Variants in SLCO1B1 observed in about 807,000 individuals in gnomAD.
The protein encoded by SLCO1B1 is OATP-2.
SLCO1B1 carries 81 observed loss-of-function variants against 70.1 expected under a neutral mutation model. That is an observed-to-expected ratio of 1.16 (90% CI 0.97 to 1.39). The LOEUF (loss-of-function observed/expected upper bound fraction) is 1.39, where lower values mean the gene tolerates loss of function less well. Among genes scored for constraint, SLCO1B1 ranks in the 40% most tolerant of loss-of-function variants. SLCO1B1 has a pLI of 0.00. For missense variants in SLCO1B1, 895 were observed against 799.6 expected (o/e 1.12, Z -1.44); for synonymous variants, 283 against 271.5 (o/e 1.04, Z -0.42).
chr12:21,199,855 G>A (rs943970090), intron 8 of SLCO1B1, among the ~76,000 whole-genome samples: 3 of 151,950 alleles, frequency 2.0e-5, no homozygotes, highest in Non-Finnish European at 2.9e-5. Context: ...AGGCTGGAGT[G>A]CAGTGTCACC....
At chr12:21,236,148 A>T (rs769922723) in intron 14 of SLCO1B1, among the ~76,000 whole-genome samples, 1 of 152,138 alleles carries the variant, frequency 6.6e-6, no homozygotes, top group Non-Finnish European at 1.5e-5. Flanking sequence ...CTCTATCCAG[A>T]TTCATTCCTG....
chr12:21,180,592 G>C (rs1940883400), intron 7 of SLCO1B1, among the ~76,000 whole-genome samples: 1 of 152,102 alleles, frequency 6.6e-6, no homozygotes, highest in South Asian at 2.1e-4. Context: ...GAGATCAAAG[G>C]ATTCATTTCC....
In SLCO1B1 at chr12:21,205,849, G is replaced by T. The variant is rs75563002; in HGVS notation, c.1332-19G>T. 5 of 1,561,212 alleles carry T rather than the reference G, an allele frequency of 3.2e-6. No homozygotes were observed. The highest frequency in any genetic ancestry group is 1.4e-5 in the African/African-American group (1 of 73,042). Reference sequence around the variant, plus strand: ...TTCTCTCTCTCTCTTTTTGATATATGTCTATCATATATTTCCAGAAATAAT... The same window carrying T: ...TTCTCTCTCTCTCTTTTTGATATATTTCTATCATATATTTCCAGAAATAAT... On this transcript the variant is annotated intron_variant, in intron 10 of 14. Coordinates refer to ENST00000256958, the MANE Select transcript of SLCO1B1 (RefSeq NM_006446.5).
At chr12:21,159,475 GA>G (rs1180726728) in intron 2 of SLCO1B1, among the ~76,000 whole-genome samples, 1 of 151,958 alleles carries the variant, frequency 6.6e-6, no homozygotes, top group Non-Finnish European at 1.5e-5. Flanking sequence ...AATGGCAAAT[GA>G]TAAAAAATTC....
chr12:21,151,585 C>G (rs928708031), intron 2 of SLCO1B1, among the ~76,000 whole-genome samples: 1 of 152,038 alleles, frequency 6.6e-6, no homozygotes, highest in Non-Finnish European at 1.5e-5. Context: ...TTTATGCTCA[C>G]TTATTTCTCC....
At chr12:21,200,943 A>T (rs985486550) in intron 9 of SLCO1B1, among the ~76,000 whole-genome samples, 3 of 152,094 alleles carry the variant, frequency 2.0e-5, no homozygotes, top group African/African-American at 7.2e-5. Context: ...GTATAATTGG[A>T]TCTTATAATT....
chr12:21,142,577 G>A (rs925043770), intron 2 of SLCO1B1, among the ~76,000 whole-genome samples: 1 of 151,792 alleles, frequency 6.6e-6, no homozygotes, highest in African/African-American at 2.4e-5. Flanking sequence ...TGTTATAAAA[G>A]GTTCCTTTTA....
At chr12:21,140,569 C>T (rs1345551725) in intron 1 of SLCO1B1, among the ~76,000 whole-genome samples, 2 of 151,864 alleles carry the variant, frequency 1.3e-5, no homozygotes, top group Non-Finnish European at 2.9e-5. Context: ...ATATTAAGAA[C>T]ATCTTTAATA....
intron 1 of SLCO1B1, among the ~76,000 whole-genome samples, chr12:21,135,815 C>A (rs1477024057): frequency 6.6e-6 from 1 of 152,116 alleles, no homozygotes; most frequent in Non-Finnish European, 1.5e-5. Flanking sequence ...CTTTTAATTG[C>A]AGCATTTAGC....
At chr12:21,205,785 C>T in intron 10 of SLCO1B1, 83 bp from the exon 11 acceptor site, 1 of 1,037,374 alleles carries the variant, frequency 9.6e-7, no homozygotes, top group Non-Finnish European at 1.4e-6. Context: ...TCTGCTTTCA[C>T]TTTACTTCTT....
intron 10 of SLCO1B1, among the ~76,000 whole-genome samples, chr12:21,205,238 T>C (rs1219744530): frequency 1.3e-5 from 2 of 151,976 alleles, no homozygotes; most frequent in African/African-American, 4.8e-5. Flanking sequence ...GTTATAATCA[T>C]ATTTTATAAT....
intron 7 of SLCO1B1, among the ~76,000 whole-genome samples, chr12:21,192,171 G>T (rs1019351732): frequency 6.6e-6 from 1 of 151,936 alleles, no homozygotes; most frequent in Non-Finnish European, 1.5e-5. Context: ...TTTGGCAAGA[G>T]ATTGGAATGG....
At chr12:21,131,268 A>C (rs973971183) in intron 1 of SLCO1B1, 32 bp downstream of exon 1, 1 of 152,096 alleles carries the variant, frequency 6.6e-6, no homozygotes, top group Non-Finnish European at 1.5e-5. Context: ...TAATTTTTAC[A>C]TATATTTTAT....
At chr12:21,159,793 A>G (rs778904322) in intron 2 of SLCO1B1, among the ~76,000 whole-genome samples, 1 of 152,154 alleles carries the variant, frequency 6.6e-6, no homozygotes, top group African/African-American at 2.4e-5. Context: ...CACAAAATCA[A>G]TGTACAAAAA....
At chr12:21,181,755 G>A (rs1026800921) in intron 7 of SLCO1B1, among the ~76,000 whole-genome samples, 11 of 151,888 alleles carry the variant, frequency 7.2e-5, no homozygotes, top group Non-Finnish European at 1.3e-4. Context: ...AATTATGCTC[G>A]TCCACTTATG....
chr12:21,132,687 G>A (rs978030793), intron 1 of SLCO1B1, among the ~76,000 whole-genome samples: 12 of 151,550 alleles, frequency 7.9e-5, no homozygotes, highest in African/African-American at 2.4e-4. Flanking sequence ...GGGGTCGTTT[G>A]TCTTTTGTAA....
intron 9 of SLCO1B1, among the ~76,000 whole-genome samples, 191 bp from the exon 10 acceptor site, chr12:21,202,300 A>C (rs1941167695): frequency 6.6e-6 from 1 of 152,132 alleles, no homozygotes; most frequent in South Asian, 2.1e-4. Context: ...TAGGTGCAGC[A>C]AACCACCATG....
intron 2 of SLCO1B1, among the ~76,000 whole-genome samples, chr12:21,168,843 C>G (rs1022411147): frequency 6.6e-6 from 1 of 151,964 alleles, no homozygotes; most frequent in Non-Finnish European, 1.5e-5. Flanking sequence ...ATCTTTTCAC[C>G]TGTTGTTTTC....
rs148747713 is a variant in SLCO1B1 at position 21,134,001 on chromosome 12, C to T, written c.-62+2765C>T. Among the ~76,000 whole-genome samples the T allele has an allele frequency of 8.7e-3, 1,329 of 152,220 alleles. 23 individuals carry two copies. The highest frequency in any genetic ancestry group is 0.03 in the African/African-American group (1,258 of 41,530). On this transcript the variant is annotated intron_variant, in intron 1 of 14. Transcript: ENST00000256958. ...AGATAGCTCTTATTATTTTGAGATA[C>T]ATCCCATCAATACCTAATTTATTGA... is the stretch of plus-strand genomic sequence containing the variant.
Sources: gnomAD v4.1 joint callset for allele counts (sites outside exome capture counted in the v4.1 genomes callset) on GRCh38, gnomAD v4.1.1 for gene constraint, MANE v1.5 for transcripts, NCBI Gene and HGNC (gene_info 2026-07-23, HGNC 2026-07-21) for gene names.